ZNF366: variants seen among roughly 807,000 people sequenced by gnomAD.
The protein encoded by ZNF366 is zinc finger protein 366.
ZNF366 carries 20 observed loss-of-function variants against 47.2 expected under a neutral mutation model. The observed-to-expected ratio is 0.42, with a 90% CI of 0.30 to 0.62. The LOEUF (loss-of-function observed/expected upper bound fraction) is 0.62, where lower values mean the gene tolerates loss of function less well. Ranked by LOEUF, ZNF366 falls within the 20% of genes least tolerant of loss-of-function variation. ZNF366 has a pLI of 0.16. For synonymous variants in ZNF366, 421 were observed against 395.1 expected (o/e 1.07, Z -0.78); for missense variants, 987 against 976.3 (o/e 1.01, Z -0.15).
chr5:72,480,288 G>C (rs1743766244), intron 1 of ZNF366, among the ~76,000 whole-genome samples: 1 of 152,224 alleles, frequency 6.6e-6, no homozygotes, highest in African/African-American at 2.4e-5. Flanking sequence ...GGATGCCACA[G>C]ACTGAATCTA....
chr5:72,459,613 C>T (rs1288243705), intron 2 of ZNF366, among the ~76,000 whole-genome samples: 2 of 152,216 alleles, frequency 1.3e-5, no homozygotes, highest in East Asian at 1.9e-4. Flanking sequence ...ACGGGTCCAA[C>T]GCAGGGAGGT....
intron 1 of ZNF366, among the ~76,000 whole-genome samples, chr5:72,489,097 C>G (rs1335114249): frequency 6.6e-6 from 1 of 152,052 alleles, no homozygotes; most frequent in Non-Finnish European, 1.5e-5. Context: ...CAATTCTGGC[C>G]AGATGTGGTG....
chr5:72,443,568 A>G lies in ZNF366; in HGVS notation c.*188T>C. Reference sequence around the variant, plus strand: ...CTGATGAAGACCCTGCACATGTGTGAAGGGTATCAAGGGCCCCGTGAATGA... The same window carrying G: ...CTGATGAAGACCCTGCACATGTGTGGAGGGTATCAAGGGCCCCGTGAATGA... On this transcript the variant is annotated 3_prime_UTR_variant, in exon 5 of 5. Transcript: ENST00000318442. 1 of 620,050 alleles carries G rather than the reference A, an allele frequency of 1.6e-6. No individual in the cohort carries two copies. Among genetic ancestry groups the G allele is most frequent in the Non-Finnish European group, 2.8e-6 (1 of 360,174 alleles). The allele number at this position is 620,050 out of a possible 1,614,324, so 38.4% of individuals were successfully genotyped here. A position where few individuals can be genotyped will look rare whatever the true frequency, so the allele number is the denominator to read the frequency against.
chr5:72,502,383 T>C (rs181302523), intron 1 of ZNF366, among the ~76,000 whole-genome samples: 3 of 152,354 alleles, frequency 2.0e-5, no homozygotes, highest in African/African-American at 7.2e-5. Context: ...AGGGTGCACA[T>C]TAAAATTATT....
At chr5:72,490,779 C>T (rs546139907) in intron 1 of ZNF366, among the ~76,000 whole-genome samples, 1 of 152,284 alleles carries the variant, frequency 6.6e-6, no homozygotes, top group Admixed American at 6.5e-5. Context: ...AAAGATCCTC[C>T]CTATTTCCAA....
intron 2 of ZNF366, among the ~76,000 whole-genome samples, chr5:72,457,449 G>A (rs1333668162): frequency 6.6e-6 from 1 of 152,190 alleles, no homozygotes; most frequent in African/African-American, 2.4e-5. Flanking sequence ...GAGAACCAGG[G>A]CACTAAACTG....
chr5:72,500,851 A>G (rs1744199875), intron 1 of ZNF366, among the ~76,000 whole-genome samples: 1 of 152,188 alleles, frequency 6.6e-6, no homozygotes, highest in African/African-American at 2.4e-5. Context: ...CTGCATTTCT[A>G]ACAAGCTCCT....
intron 1 of ZNF366, chr5:72,472,435 G>T: frequency 3.2e-6 from 1 of 314,082 alleles, no homozygotes; most frequent in Non-Finnish European, 4.6e-6. Flanking sequence ...TGGATGTGAA[G>T]GATGAGAGAA....
rs1248582870 is a variant in ZNF366 at position 72,461,261 on chromosome 5, C to T, written c.236G>A (p.Arg79Gln). 2.5e-6 allele frequency: 4 copies of T among 1,613,980 alleles called. No homozygotes were observed. Among genetic ancestry groups the T allele is most frequent in the East Asian group, 2.2e-5 (1 of 44,862 alleles). The change falls in exon 2 of 5, where the codon CGG becomes CAG. Residue 79 changes from arginine (R) to glutamine (Q), a missense_variant. Around this residue, in one of 3 missense-constraint regions of ZNF366, gnomAD observed 591 missense variants for 560.9 expected, o/e 1.05. Coordinates refer to ENST00000318442, the MANE Select transcript of ZNF366 (RefSeq NM_152625.3). ...GGGCATCTTTGTGGGCATGCTCTTC[C>T]GTTTCCTAGACCCTGCTCCTTCGAA... ...GVFEGAGSRK[R>Q]KSMPTKMPYN...
rs1051626013 is a variant in ZNF366, at chr5:72,444,427, T to C, written c.1700-136A>G. 5.0e-5 allele frequency: 53 copies of C among 1,062,572 alleles called. No homozygotes were observed. The Admixed American group carries it at 8.3e-4, about 17-fold the overall frequency. 65.8% of individuals were successfully genotyped at this position (1,062,572 alleles called of 1,614,324 possible). On this transcript the variant is annotated intron_variant, in intron 4 of 4. Coordinates refer to ENST00000318442, the MANE Select transcript of ZNF366 (RefSeq NM_152625.3). ...AAATAGATCATTCCCAGTAAGGATGTGGTCTTGGGAGGCTTGTAACAGACA... is the reference window on the plus strand; with the variant it reads ...AAATAGATCATTCCCAGTAAGGATGCGGTCTTGGGAGGCTTGTAACAGACA...
Position 72,502,738 on chromosome 5 carries a change from G to A in ZNF366, c.-15+4513C>T, listed in dbSNP as rs186717259. 1.6e-4 allele frequency among the ~76,000 whole-genome samples: 25 copies of A among 152,274 alleles called. No individual in the cohort carries two copies. The East Asian group carries it at 2.5e-3, about 15-fold the overall frequency. On this transcript the variant is annotated intron_variant, in intron 1 of 4. Transcript: ENST00000318442. ...ATAGAATCTACTAATATTTTTTAAA[G>A]GGAATAGAAAAAGCTTAGTATCTGT...
chr5:72,468,323 G>T (rs1334171348), intron 1 of ZNF366, among the ~76,000 whole-genome samples: 2 of 152,202 alleles, frequency 1.3e-5, no homozygotes, highest in Non-Finnish European at 1.5e-5. Context: ...TGCCCTTCTG[G>T]CCCCCATTTA....
intron 1 of ZNF366, among the ~76,000 whole-genome samples, chr5:72,478,301 A>G (rs1218435380): frequency 1.9e-5 from 2 of 104,886 alleles, no homozygotes; most frequent in Admixed American, 2.0e-4. Flanking sequence ...AAGCTGGCAC[A>G]CAAAAACACA....
At position 72,440,813 on chromosome 5, in the gene ZNF366, A is replaced by T. The variant is rs1742842279; in HGVS notation, c.*2943T>A. On this transcript the variant is annotated 3_prime_UTR_variant, in exon 5 of 5. Coordinates refer to ENST00000318442, the MANE Select transcript of ZNF366 (RefSeq NM_152625.3). The stretch of plus-strand genomic sequence containing the variant: ...CAGCATACAAAACCAATGTTTTAGC[A>T]TTGGTGCTCAGGTTAATGCTGTATT... 6.6e-6 allele frequency: 1 copy of T among 152,220 alleles called. No homozygotes were observed. Among genetic ancestry groups the T allele is most frequent in the African/African-American group, 2.4e-5 (1 of 41,458 alleles). 9.4% of individuals were successfully genotyped at this position (152,220 alleles called of 1,614,324 possible).
rs1475018300 is a variant in ZNF366, at chr5:72,443,981, T to C, written c.2010A>G (p.Ala670=). The change falls in exon 5 of 5, where the codon GCA becomes GCG. Residue 670 remains alanine (A), a synonymous_variant. Transcript: ENST00000318442. The part of the protein sequence containing the change: ...EEACKEEKED[A]SKGEWEKRSK... ...TCCTCTTCTCCCATTCTCCCTTGGA[T>C]GCATCCTCCTTCTCCTCCTTGCAGG... is the stretch of plus-strand genomic sequence containing the variant. The C allele has an allele frequency of 1.2e-6, 2 of 1,614,198 alleles. No homozygotes were observed. The highest frequency in any genetic ancestry group is 1.7e-6 in the Non-Finnish European group (2 of 1,180,026).
chr5:72,465,631 G>T (rs1037327742), intron 1 of ZNF366, among the ~76,000 whole-genome samples: 40 of 152,316 alleles, frequency 2.6e-4, no homozygotes, highest in African/African-American at 9.4e-4. Context: ...AAAACATGAG[G>T]AGGTGGGGCA....
chr5:72,483,696 C>T (rs962804114), intron 1 of ZNF366, among the ~76,000 whole-genome samples: 12 of 152,150 alleles, frequency 7.9e-5, no homozygotes, highest in African/African-American at 2.9e-4. Flanking sequence ...AGATATTGAT[C>T]CTAAACTGTA....
chr5:72,495,454 G>A (rs954855840), intron 1 of ZNF366, among the ~76,000 whole-genome samples: 2 of 152,168 alleles, frequency 1.3e-5, no homozygotes, highest in Non-Finnish European at 2.9e-5. Context: ...CCCCTAGGAC[G>A]TGGTTGTAAC....
chr5:72,477,445 T>G (rs1394844296), intron 1 of ZNF366, among the ~76,000 whole-genome samples: 1 of 152,240 alleles, frequency 6.6e-6, no homozygotes, highest in Non-Finnish European at 1.5e-5. Flanking sequence ...CAAGGAAGGA[T>G]GACTATTCTA....
Sources: gnomAD v4.1 joint callset for allele counts (sites outside exome capture counted in the v4.1 genomes callset) on GRCh38, gnomAD v4.1.1 for gene constraint, gnomAD v4.1.1 regional missense constraint, MANE v1.5 for transcripts, NCBI Gene and HGNC (gene_info 2026-07-23, HGNC 2026-07-21) for gene names.